Variants in CLYBL observed in about 807,000 individuals in gnomAD.
CLYBL encodes the protein citramalyl-CoA lyase.
In CLYBL, 31 loss-of-function variants were observed where a neutral mutation model predicts 38.9. That is an observed-to-expected ratio of 0.80 (90% CI 0.60 to 1.08). The LOEUF (loss-of-function observed/expected upper bound fraction) is 1.08. Among genes scored for constraint, CLYBL ranks in the 50% least tolerant of loss-of-function variants. The probability of loss-of-function intolerance (pLI) is 0.00; values close to 1 mark genes in which losing one functional copy is unlikely to be tolerated. For missense variants in CLYBL, 434 were observed against 411.6 expected, an observed-to-expected ratio of 1.05 and a Z score of -0.47; for synonymous variants, 171 against 158.6, an observed-to-expected ratio of 1.08 and a Z score of -0.59.
At chr13:99,630,697 T>C (rs6491521) in intron 1 of CLYBL, among the ~76,000 whole-genome samples, 93,358 of 151,978 alleles carry the variant, frequency 0.61, 28,988 homozygotes, top group East Asian at 0.89. Flanking sequence ...TTGCCCTGTA[T>C]TGTTGATCTT....
At chr13:99,779,505 T>C (rs1041446628) in intron 2 of CLYBL, among the ~76,000 whole-genome samples, 6 of 152,122 alleles carry the variant, frequency 3.9e-5, no homozygotes, top group African/African-American at 1.4e-4. Context: ...TACAAAAGAG[T>C]GCTTCCCAAA....
At chr13:99,856,611 A>C (rs1027772083) in intron 2 of CLYBL, among the ~76,000 whole-genome samples, 1 of 152,044 alleles carries the variant, frequency 6.6e-6, no homozygotes, top group Non-Finnish European at 1.5e-5. Flanking sequence ...TGCCTTCCAA[A>C]AAGCTGAAAG....
chr13:99,803,795 C>T (rs1188158221), intron 2 of CLYBL, among the ~76,000 whole-genome samples: 2 of 152,144 alleles, frequency 1.3e-5, no homozygotes, highest in Non-Finnish European at 1.5e-5. Flanking sequence ...TGCACATGAA[C>T]TGTCAGGTAG....
At chr13:99,608,684 T>C (rs1038170887) in intron 1 of CLYBL, among the ~76,000 whole-genome samples, 1 of 152,134 alleles carries the variant, frequency 6.6e-6, no homozygotes, top group African/African-American at 2.4e-5. Flanking sequence ...CTTAGCACAC[T>C]GGTCTGTTCT....
intron 2 of CLYBL, among the ~76,000 whole-genome samples, chr13:99,818,446 AACACACACACACACACACACACACAC>A (rs57249330): frequency 7.0e-6 from 1 of 143,220 alleles, no homozygotes; most frequent in African/African-American, 2.6e-5. Flanking sequence ...TGGAGCAGAA[AACACACACACACACACACACACACAC>A]ACACACACAC....
intron 1 of CLYBL, among the ~76,000 whole-genome samples, chr13:99,683,872 ATT>A (rs951783647): frequency 2.1e-5 from 3 of 144,096 alleles, no homozygotes. Flanking sequence ...TATATATAAA[ATT>A]TTTTTTTTTT....
intron 1 of CLYBL, among the ~76,000 whole-genome samples, chr13:99,615,855 A>G (rs2046700337): frequency 6.6e-6 from 1 of 152,062 alleles, no homozygotes; most frequent in Non-Finnish European, 1.5e-5. Context: ...TTATTTTGAA[A>G]CGGAGTCTCA....
chr13:99,838,389 T>G (rs1441774220), intron 2 of CLYBL, among the ~76,000 whole-genome samples: 1 of 152,140 alleles, frequency 6.6e-6, no homozygotes, highest in Non-Finnish European at 1.5e-5. Context: ...ATACAGAGAA[T>G]GTTGGATGTT....
In CLYBL at chr13:99,716,169, A is replaced by AGTTT. The variant is rs1361639397; in HGVS notation, c.63-56655_63-56654insGTTT. 1.9e-3 allele frequency among the ~76,000 whole-genome samples: 63 copies of AGTTT among 33,464 alleles called. 3 individuals carry two copies. The highest frequency in any genetic ancestry group is 5.9e-3 in the African/African-American group (60 of 10,126). The allele number at this position is 33,464 out of a possible 152,430, so 22.0% of individuals were successfully genotyped here. A position where few individuals can be genotyped will look rare whatever the true frequency, so the allele number is the denominator to read the frequency against. On this transcript the variant is annotated intron_variant, in intron 1 of 8. Transcript: ENST00000339105. ...AAATTGTCCTTGCTTTATTGGTGTA[A>AGTTT]TTTTTTTTTTTTTTTTTTTTTTTTT... is the stretch of plus-strand genomic sequence containing the variant.
At chr13:99,894,195 C>T (rs1000026668), downstream of CLYBL, 1 of 152,518 alleles carries the variant, frequency 6.6e-6, no homozygotes, top group African/African-American at 2.4e-5. Context: ...TCCCCACCCG[C>T]GTCTCTGTGG....
chr13:99,660,593 C>G (rs1469572793), intron 1 of CLYBL, among the ~76,000 whole-genome samples: 1 of 152,186 alleles, frequency 6.6e-6, no homozygotes, highest in South Asian at 2.1e-4. Flanking sequence ...GTCTTTGATT[C>G]ACTAACTCCC....
intron 1 of CLYBL, among the ~76,000 whole-genome samples, chr13:99,738,567 A>G (rs2048702379): frequency 1.3e-5 from 2 of 152,214 alleles, no homozygotes; most frequent in South Asian, 4.1e-4. Flanking sequence ...GAGTGCAGCC[A>G]CGGAAAAGGC....
chr13:99,711,403 CTTTTTT>C (rs71215540), intron 1 of CLYBL, among the ~76,000 whole-genome samples: 1 of 83,188 alleles, frequency 1.2e-5, no homozygotes, highest in Non-Finnish European at 2.1e-5. Flanking sequence ...GGGAGTCCGT[CTTTTTT>C]TTTTTTTTTT....
chr13:99,848,970 G>T (rs1454219206), intron 2 of CLYBL, among the ~76,000 whole-genome samples: 1 of 151,710 alleles, frequency 6.6e-6, no homozygotes, highest in East Asian at 1.9e-4. Flanking sequence ...GAAACCCCAT[G>T]TCTACTAAAA....
intron 1 of CLYBL, among the ~76,000 whole-genome samples, chr13:99,684,569 C>T (rs555143154): frequency 3.2e-4 from 49 of 152,294 alleles, no homozygotes; most frequent in African/African-American, 1.1e-3. Context: ...TCTTAGGCTA[C>T]TACCACTACC....
chr13:99,657,427 A>G (rs1213245975), intron 1 of CLYBL, among the ~76,000 whole-genome samples: 1 of 152,224 alleles, frequency 6.6e-6, no homozygotes, highest in Non-Finnish European at 1.5e-5. Flanking sequence ...TGAATTCTAT[A>G]TAAATATTGT....
chr13:99,791,139 G>C (rs2049907423), intron 2 of CLYBL, among the ~76,000 whole-genome samples: 1 of 152,092 alleles, frequency 6.6e-6, no homozygotes, highest in Non-Finnish European at 1.5e-5. Context: ...AGTGGAAAGG[G>C]TAGAGGGCTT....
intron 1 of CLYBL, among the ~76,000 whole-genome samples, chr13:99,770,468 C>T (rs911947232): frequency 2.0e-5 from 3 of 152,126 alleles, no homozygotes; most frequent in Non-Finnish European, 2.9e-5. Flanking sequence ...CAGGCGCCCG[C>T]CACCACGCCT....
At chr13:99,716,240 G>A (rs1194497594) in intron 1 of CLYBL, among the ~76,000 whole-genome samples, 2 of 120,774 alleles carry the variant, frequency 1.7e-5, no homozygotes, top group East Asian at 4.6e-4. Flanking sequence ...GCTCAGGCTG[G>A]GCTCAAGTGA....
Sources: allele counts gnomAD v4.1 joint callset (sites outside exome capture counted in the v4.1 genomes callset), GRCh38; gene constraint gnomAD v4.1.1; transcripts MANE v1.5; gene names NCBI Gene and HGNC (gene_info 2026-07-23, HGNC 2026-07-21).